The following NEDD4L variants were observed in gnomAD, a reference collection of about 807,000 sequenced individuals.
NEDD4L encodes the protein E3 ubiquitin-protein ligase NEDD4-like.
Under a neutral mutation model 148.9 loss-of-function variants are expected in NEDD4L, and 54 were observed. The observed-to-expected ratio is 0.36, with a 90% CI of 0.29 to 0.45. The LOEUF (loss-of-function observed/expected upper bound fraction) is 0.45, where lower values mean the gene tolerates loss of function less well. NEDD4L is among the 20% of genes least tolerant of loss of function. The pLI is 1.00. For synonymous variants in NEDD4L, 433 were observed against 440.7 expected (o/e 0.98, Z 0.22); for missense variants, 856 against 1,233.8 (o/e 0.69, Z 4.59).
chr18:58,245,809 T>C (rs1312921808), intron 3 of NEDD4L, among the ~76,000 whole-genome samples: 1 of 149,356 alleles, frequency 6.7e-6, no homozygotes, highest in African/African-American at 2.5e-5. Flanking sequence ...GCCTCCTGAA[T>C]AGCAGGGATT....
chr18:58,294,167 C>T (rs1002504173), intron 5 of NEDD4L, among the ~76,000 whole-genome samples: 4 of 152,222 alleles, frequency 2.6e-5, no homozygotes. Context: ...ATACACATCA[C>T]ACTTTCTGCT....
At chr18:58,381,872 AACACGGCCT>A (rs2048389937) in intron 24 of NEDD4L, among the ~76,000 whole-genome samples, 1 of 152,136 alleles carries the variant, frequency 6.6e-6, no homozygotes, top group South Asian at 2.1e-4. Flanking sequence ...CTCCATCCCC[AACACGGCCT>A]GTACGGGGCA....
At chr18:58,075,634 A>AT (rs952655607) in intron 1 of NEDD4L, among the ~76,000 whole-genome samples, 2 of 151,872 alleles carry the variant, frequency 1.3e-5, no homozygotes, top group African/African-American at 4.8e-5. Context: ...TTTTAAGAGT[A>AT]TTTTTTTCAG....
At chr18:58,279,221 G>T (rs182067841) in intron 5 of NEDD4L, among the ~76,000 whole-genome samples, 4 of 152,230 alleles carry the variant, frequency 2.6e-5, no homozygotes, top group Admixed American at 2.6e-4. Context: ...AGAGTCCAAA[G>T]TGATACAGCC....
rs532122573 is a variant in NEDD4L at position 58,210,636 on chromosome 18, C to T, written c.123-34791C>T. Among the ~76,000 whole-genome samples, 329 of 152,052 alleles carry T rather than the reference C, an allele frequency of 2.2e-3. 1 individual carries two copies. The highest frequency in any genetic ancestry group is 3.5e-3 in the Non-Finnish European group (239 of 67,962). On this transcript the variant is annotated intron_variant, in intron 2 of 30. Transcript: ENST00000400345. ...GCTAATTTTGTATTTTTAGTAGAGACGGGGTTTCTCCATGTTGGTCACACT... is the reference window on the plus strand; with the variant it reads ...GCTAATTTTGTATTTTTAGTAGAGATGGGGTTTCTCCATGTTGGTCACACT...
At chr18:58,269,400 C>T (rs1301588152) in intron 5 of NEDD4L, among the ~76,000 whole-genome samples, 1 of 151,868 alleles carries the variant, frequency 6.6e-6, no homozygotes, top group Non-Finnish European at 1.5e-5. Flanking sequence ...CTCACCGCAG[C>T]AAAAAGGATT....
At chr18:58,053,840 C>G (rs555259290) in intron 1 of NEDD4L, among the ~76,000 whole-genome samples, 1 of 152,162 alleles carries the variant, frequency 6.6e-6, no homozygotes. Flanking sequence ...TGAGTTGTCC[C>G]CTTTGAACAT....
At chr18:58,054,016 G>T (rs925883014) in intron 1 of NEDD4L, among the ~76,000 whole-genome samples, 1 of 152,194 alleles carries the variant, frequency 6.6e-6, no homozygotes, top group Non-Finnish European at 1.5e-5. Flanking sequence ...AGGAGATGAA[G>T]ACCCTTTCTA....
At chr18:58,068,190 CTT>C (rs201565393) in intron 1 of NEDD4L, among the ~76,000 whole-genome samples, 17 of 109,232 alleles carry the variant, frequency 1.6e-4, no homozygotes, top group Admixed American at 4.5e-4. Context: ...TCCTAGAATT[CTT>C]TTTTTTTTTT....
intron 18 of NEDD4L, among the ~76,000 whole-genome samples, chr18:58,354,838 G>A (rs771609112): frequency 2.6e-5 from 4 of 152,214 alleles, no homozygotes; most frequent in African/African-American, 4.8e-5. Context: ...ATGGGGCCCT[G>A]AGAGAATGGG....
intron 6 of NEDD4L, among the ~76,000 whole-genome samples, chr18:58,320,232 C>T (rs505924): frequency 6.6e-6 from 1 of 152,172 alleles, no homozygotes; most frequent in African/African-American, 2.4e-5. Context: ...GTTTGATTTC[C>T]TATGTTTAAA....
intron 5 of NEDD4L, among the ~76,000 whole-genome samples, chr18:58,266,435 G>A (rs2050228770): frequency 6.6e-6 from 1 of 152,152 alleles, no homozygotes; most frequent in Non-Finnish European, 1.5e-5. Flanking sequence ...AGTGATTCAT[G>A]TAAGTTCTCA....
At chr18:58,371,958 G>A (rs1050377950) in intron 23 of NEDD4L, 5 of 152,192 alleles carry the variant, frequency 3.3e-5, no homozygotes, top group Non-Finnish European at 2.9e-5. Flanking sequence ...AGACCGTGGA[G>A]GGACCAGGGA....
intron 18 of NEDD4L, among the ~76,000 whole-genome samples, chr18:58,356,758 A>G (rs1006744823): frequency 5.3e-5 from 8 of 152,250 alleles, no homozygotes; most frequent in South Asian, 2.1e-4. Flanking sequence ...TTTCAACACC[A>G]TAAGTAAAGA....
intron 5 of NEDD4L, among the ~76,000 whole-genome samples, chr18:58,287,704 C>G (rs2054139545): frequency 6.6e-6 from 1 of 151,978 alleles, no homozygotes; most frequent in Non-Finnish European, 1.5e-5. Context: ...CGTATTTTTT[C>G]AAGAAGAAGA....
At chr18:58,068,203 TTTTTG>T (rs2082702114) in intron 1 of NEDD4L, among the ~76,000 whole-genome samples, 2 of 123,296 alleles carry the variant, frequency 1.6e-5, no homozygotes, top group African/African-American at 8.6e-5. Flanking sequence ...TTTTTTTTTT[TTTTTG>T]TTTTGTTTTG....
At position 58,256,170 on chromosome 18, in the gene NEDD4L, C is replaced by T. The variant is rs543434123; in HGVS notation, c.297+4116C>T. The T allele has an allele frequency of 4.2e-3, 5,134 of 1,218,020 alleles. 14 individuals carry two copies. The highest frequency in any genetic ancestry group is 4.6e-3 in the Non-Finnish European group (4,527 of 979,404). 75.5% of individuals were successfully genotyped at this position (1,218,020 alleles called of 1,614,324 possible). ...ACGTGCGGCCGCCGCGTGCGGTGCT[C>T]CGGCCCCGTGGACTGCGCGGAGGAG... On this transcript the variant is annotated intron_variant, in intron 5 of 30. Transcript: ENST00000400345. This position sits in a 1 kb window ranked among gnomAD's most constrained non-coding sequence, Gnocchi z 5.2.
chr18:58,358,379 T>G (rs1031104990), intron 19 of NEDD4L, among the ~76,000 whole-genome samples: 2 of 152,220 alleles, frequency 1.3e-5, no homozygotes, highest in African/African-American at 4.8e-5. Context: ...TTTTGATATA[T>G]ATATATTCGC....
chr18:58,389,151 G>A lies in NEDD4L; in HGVS notation c.2614G>A (p.Gly872Ser), dbSNP rs746532070. The part of the protein sequence containing the change: ...DWRQHSIYKN[G>S]YCPNHPVIQW... ...GAGACAGCATTCTATTTACAAGAAC[G>A]GCTACTGCCCAAACCACCCCGTCAT... is the stretch of plus-strand genomic sequence containing the variant. Residue 872 changes from glycine (G) to serine (S), a missense_variant, in exon 28 of 31, where the codon GGC (glycine) becomes AGC (serine). By Grantham distance (56) the Gly-to-Ser change is moderately conservative (BLOSUM62 0). Coordinates refer to ENST00000400345, the MANE Select transcript of NEDD4L (RefSeq NM_001144967.3). 4.8e-5 allele frequency: 78 copies of A among 1,613,808 alleles called. No individual in the cohort carries two copies. Among genetic ancestry groups the A allele is most frequent in the Non-Finnish European group, 4.9e-5 (58 of 1,179,856 alleles).
Sources: allele counts gnomAD v4.1 joint callset (sites outside exome capture counted in the v4.1 genomes callset), GRCh38; gene constraint gnomAD v4.1.1; non-coding constraint Gnocchi (gnomAD v3.1); transcripts MANE v1.5; gene names NCBI Gene and HGNC (gene_info 2026-07-23, HGNC 2026-07-21).